CDH23: variants seen among roughly 807,000 people sequenced by gnomAD.
CDH23 encodes the protein cadherin-23.
Under a neutral mutation model 317.1 loss-of-function variants are expected in CDH23, and 189 were observed. The ratio of observed to expected loss-of-function variants is 0.60; its 90% CI spans 0.53 to 0.67. The LOEUF (loss-of-function observed/expected upper bound fraction) is 0.67. CDH23 is among the 30% of genes least tolerant of loss of function. CDH23 has a pLI of 0.00. For missense variants in CDH23, 4,401 were observed against 4,592.4 expected (o/e 0.96, Z 1.20); for synonymous variants, 1,839 against 1,876.8 (o/e 0.98, Z 0.52).
rs1850466107 is a variant in CDH23, at chr10:71,451,957, T to A, written c.145+5562T>A. On this transcript the variant is annotated intron_variant, in intron 3 of 69. Coordinates refer to ENST00000224721, the MANE Select transcript of CDH23 (RefSeq NM_022124.6). Reference sequence around the variant, plus strand: ...CAGGCGCTCCCCTCCCCAGGGCATGTCGGGAGCGAGGTGTTGGTGGCGATG... The same window carrying A: ...CAGGCGCTCCCCTCCCCAGGGCATGACGGGAGCGAGGTGTTGGTGGCGATG... Among the ~76,000 whole-genome samples, 3 of 152,270 alleles carry A rather than the reference T, an allele frequency of 2.0e-5. No individual in the cohort carries two copies. In the South Asian group the frequency reaches 6.2e-4, roughly 32 times the overall value.
At chr10:71,398,922 G>C (rs972985503) in intron 1 of CDH23, among the ~76,000 whole-genome samples, 2 of 152,182 alleles carry the variant, frequency 1.3e-5, no homozygotes, top group Admixed American at 6.5e-5. Context: ...TCCTGGCCCC[G>C]TCTGTGCTGG....
rs199838849 is a variant in CDH23 at position 71,438,362 on chromosome 10, A to G, written c.-5-1465A>G. Among the ~76,000 whole-genome samples the G allele has an allele frequency of 1.1e-3, 165 of 151,110 alleles. 3 individuals carry two copies. In the East Asian group the frequency reaches 0.017, roughly 16 times the overall value. On this transcript the variant is annotated intron_variant, in intron 1 of 69. Transcript: ENST00000224721. The stretch of plus-strand genomic sequence containing the variant: ...CTGTCTCAAACAAAAAAAAAAAAAA[A>G]AAAGAAAGAAAGAAAGAAAAAAAAG...
intron 38 of CDH23, among the ~76,000 whole-genome samples, chr10:71,758,294 G>A (rs898015122): frequency 6.6e-6 from 1 of 152,212 alleles, no homozygotes. Flanking sequence ...TTCCGGCTTA[G>A]GTCCTCGTGC....
At chr10:71,446,923 A>G (rs1850198365) in intron 3 of CDH23, among the ~76,000 whole-genome samples, 1 of 152,272 alleles carries the variant, frequency 6.6e-6, no homozygotes, top group South Asian at 2.1e-4. Context: ...CTCAGCTCTT[A>G]GGACCCAGAA....
chr10:71,532,699 TC>T (rs1185514340), intron 6 of CDH23, among the ~76,000 whole-genome samples: 1 of 99,754 alleles, frequency 1.0e-5, no homozygotes, highest in South Asian at 4.0e-4. Flanking sequence ...TGGCAAGTTT[TC>T]TTTTGTTTTT....
chr10:71,511,528 C>A (rs1030432268), intron 6 of CDH23, among the ~76,000 whole-genome samples: 1 of 139,284 alleles, frequency 7.2e-6, no homozygotes, highest in African/African-American at 2.6e-5. Context: ...TCCTTCCACT[C>A]GTATCCAAAT....
intron 32 of CDH23, chr10:71,732,698 G>A (rs763100825): frequency 2.6e-5 from 34 of 1,299,658 alleles, no homozygotes; most frequent in African/African-American, 8.9e-5. Flanking sequence ...TTCATATGTA[G>A]GAGTAAGATA....
rs769972347 is a variant in CDH23, at chr10:71,730,458, G to T, written c.3580-11G>T. On this transcript the variant is annotated splice_polypyrimidine_tract_variant and intron_variant, in intron 30 of 69. Transcript: ENST00000224721. Reference sequence around the variant, plus strand: ...CACCCTGACCTTGCACCCCTGGCCCGGCTCCCACAGGTGATTGTGTACGTG... The same window carrying T: ...CACCCTGACCTTGCACCCCTGGCCCTGCTCCCACAGGTGATTGTGTACGTG... The T allele has an allele frequency of 6.2e-7, 1 of 1,613,062 alleles. No homozygotes were observed. The highest frequency in any genetic ancestry group is 1.1e-5 in the South Asian group (1 of 91,022).
chr10:71,707,181 A>G (rs1865825614), intron 26 of CDH23, 132 bp downstream of exon 26: 2 of 1,529,292 alleles, frequency 1.3e-6, no homozygotes, highest in African/African-American at 2.8e-5. Context: ...GTTGGGCTTT[A>G]GCCTCTGGTG....
chr10:71,436,929 G>T (rs546031196), intron 1 of CDH23, among the ~76,000 whole-genome samples: 1 of 152,304 alleles, frequency 6.6e-6, no homozygotes, highest in African/African-American at 2.4e-5. Flanking sequence ...TGTAAATCAG[G>T]GATAACGCTA....
intron 21 of CDH23, 67 bp from the exon 22 acceptor site, chr10:71,695,351 C>T (rs1316730634): frequency 8.7e-7 from 1 of 1,147,350 alleles, no homozygotes; most frequent in Non-Finnish European, 1.3e-6. Context: ...GCACTTTTCC[C>T]CTGGCAGGCC....
At chr10:71,626,270 C>T (rs10999920) in intron 11 of CDH23, among the ~76,000 whole-genome samples, 30,827 of 152,068 alleles carry the variant, frequency 0.2, 3,234 homozygotes, top group East Asian at 0.37. Flanking sequence ...GATGAACACC[C>T]CACCCTTAGT....
At chr10:71,777,966 A>G in intron 39 of CDH23, 65 bp downstream of exon 39, 1 of 1,559,194 alleles carries the variant, frequency 6.4e-7, no homozygotes, top group Non-Finnish European at 8.8e-7. Context: ...CAAGGAGTTC[A>G]GTGACACTGG....
At chr10:71,461,220 C>T (rs936700213) in intron 3 of CDH23, among the ~76,000 whole-genome samples, 14 of 152,326 alleles carry the variant, frequency 9.2e-5, no homozygotes, top group East Asian at 1.9e-4. Context: ...CTTTGGAGGC[C>T]GAGCCCATGT....
intron 6 of CDH23, among the ~76,000 whole-genome samples, chr10:71,527,411 C>T (rs560115391): frequency 3.3e-5 from 5 of 152,328 alleles, no homozygotes; most frequent in African/African-American, 9.6e-5. Flanking sequence ...CTTGCCAGGT[C>T]GACGCAGCAC....
At chr10:71,723,481 C>T (rs1039643754) in intron 28 of CDH23, among the ~76,000 whole-genome samples, 9 of 152,176 alleles carry the variant, frequency 5.9e-5, no homozygotes, top group Admixed American at 2.6e-4. Flanking sequence ...CCAGCCAGGC[C>T]GATCTGAAGC....
At chr10:71,742,774 A>G (rs1839771998) in intron 38 of CDH23, among the ~76,000 whole-genome samples, 1 of 152,236 alleles carries the variant, frequency 6.6e-6, no homozygotes, top group Non-Finnish European at 1.5e-5. Flanking sequence ...TATTGCCACA[A>G]TAATGCTGCC....
intron 11 of CDH23, among the ~76,000 whole-genome samples, chr10:71,628,963 T>G (rs1431394036): frequency 6.6e-6 from 1 of 152,120 alleles, no homozygotes; most frequent in Non-Finnish European, 1.5e-5. Context: ...AGGAAATGTT[T>G]TAGGGAAGGT....
chr10:71,803,473 T>A lies in CDH23; in HGVS notation c.7872+53T>A, dbSNP rs1841618564. The A allele has an allele frequency of 5.0e-5, 74 of 1,489,474 alleles. No homozygotes were observed. The South Asian group carries it at 6.6e-4, about 13-fold the overall frequency. The allele number at this position is 1,489,474 out of a possible 1,614,324, so 92.3% of individuals were successfully genotyped here. Reference sequence around the variant, plus strand: ...CACCAGTATTTCCTTCTTCCAGCTGTGGCCTAGAAGAGTGGAAGCACCCCA... The same window carrying A: ...CACCAGTATTTCCTTCTTCCAGCTGAGGCCTAGAAGAGTGGAAGCACCCCA... On this transcript the variant is annotated intron_variant, in intron 55 of 69. Coordinates refer to ENST00000224721, the MANE Select transcript of CDH23 (RefSeq NM_022124.6).
Sources: gnomAD v4.1 joint callset for allele counts (sites outside exome capture counted in the v4.1 genomes callset) on GRCh38, gnomAD v4.1.1 for gene constraint, MANE v1.5 for transcripts, NCBI Gene and HGNC (gene_info 2026-07-23, HGNC 2026-07-21) for gene names.